ZW10: variants seen among roughly 807,000 people sequenced by gnomAD.
ZW10 encodes centromere/kinetochore protein zw10 homolog.
A neutral mutation model predicts 87.8 loss-of-function variants in ZW10; 53 were observed. The ratio of observed to expected loss-of-function variants is 0.60; its 90% CI spans 0.48 to 0.76. The LOEUF (loss-of-function observed/expected upper bound fraction) is 0.76, where lower values mean the gene tolerates loss of function less well. Among genes scored for constraint, ZW10 ranks in the 30% least tolerant of loss-of-function variants. ZW10 has a pLI of 0.00. For synonymous variants in ZW10, 312 were observed against 329.2 expected, an observed-to-expected ratio of 0.95 and a Z score of 0.57; for missense variants, 837 against 923.0, an observed-to-expected ratio of 0.91 and a Z score of 1.21.
chr11:113,747,715 T>G lies in ZW10; in HGVS notation c.1090-2A>C. On this transcript the variant is annotated splice_acceptor_variant, in intron 8 of 15. Transcript: ENST00000200135. LOFTEE classifies it high-confidence loss of function. ...AAATTCTTCAGTGGACTGTATGATC[T>G]GAGATACAAAAGAAAAAAAAGAAAA... 1 of 1,581,678 alleles carries G rather than the reference T, an allele frequency of 6.3e-7. No individual in the cohort carries two copies. The highest frequency in any genetic ancestry group is 1.8e-5 in the Admixed American group (1 of 54,250).
At chr11:113,733,890 G>A (rs1316938982) in intron 15 of ZW10, 76 bp from the exon 16 acceptor site, 1 of 1,473,544 alleles carries the variant, frequency 6.8e-7, no homozygotes. Context: ...TTGCCTGTTT[G>A]ATCCAAATGC....
chr11:113,755,520 A>T (rs1373880281), intron 7 of ZW10, among the ~76,000 whole-genome samples: 3 of 152,230 alleles, frequency 2.0e-5, no homozygotes, highest in Non-Finnish European at 4.4e-5. Flanking sequence ...TTCTTGAGAC[A>T]GAATCTACTG....
chr11:113,751,286 T>C lies in ZW10; in HGVS notation c.926-2866A>G, dbSNP rs534487178. 7 of 279,912 alleles carry C rather than the reference T, an allele frequency of 2.5e-5. No individual in the cohort carries two copies. In the East Asian group the frequency reaches 6.3e-4, roughly 25 times the overall value. 17.3% of individuals were successfully genotyped at this position (279,912 alleles called of 1,614,324 possible). A position where few individuals can be genotyped will look rare whatever the true frequency, so the allele number is the denominator to read the frequency against. Reference sequence around the variant, plus strand: ...CTCCAGTACAGCTGCTGGTGACCTATCTTGCTCTCAGAAGTGCGATGAAAT... The same window carrying C: ...CTCCAGTACAGCTGCTGGTGACCTACCTTGCTCTCAGAAGTGCGATGAAAT... On this transcript the variant is annotated intron_variant, in intron 7 of 15. Coordinates refer to ENST00000200135, the MANE Select transcript of ZW10 (RefSeq NM_004724.4).
At chr11:113,747,864 C>T (rs1323087338) in intron 8 of ZW10, 151 bp from the exon 9 acceptor site, 5 of 537,784 alleles carry the variant, frequency 9.3e-6, no homozygotes, top group African/African-American at 7.6e-5. Flanking sequence ...ATACATATTT[C>T]CAGCCTTAAA....
chr11:113,759,399 A>T (rs1455822354), intron 5 of ZW10, among the ~76,000 whole-genome samples: 3 of 152,198 alleles, frequency 2.0e-5, no homozygotes, highest in Non-Finnish European at 4.4e-5. Flanking sequence ...ACACATATGC[A>T]CATATGTGTC....
At chr11:113,760,995 A>G (rs1953854962) in intron 2 of ZW10, 77 bp from the exon 3 acceptor site, 3 of 1,051,958 alleles carry the variant, frequency 2.9e-6, no homozygotes, top group Non-Finnish European at 4.2e-6. Flanking sequence ...CAAATCAATA[A>G]GCTTTACTAG....
At chr11:113,742,505 CTGTT>C (rs1261269510) in intron 10 of ZW10, among the ~76,000 whole-genome samples, 1 of 152,084 alleles carries the variant, frequency 6.6e-6, no homozygotes, top group Non-Finnish European at 1.5e-5. Context: ...GCAGGAGCTG[CTGTT>C]TGAGTTTGAT....
chr11:113,751,249 T>C, intron 7 of ZW10: 1 of 299,024 alleles, frequency 3.3e-6, no homozygotes, highest in Non-Finnish European at 7.0e-6. Context: ...CTGGCTGAAT[T>C]TTCACCAGTG....
At chr11:113,740,208 C>G (rs1401685962) in intron 11 of ZW10, among the ~76,000 whole-genome samples, 1 of 152,052 alleles carries the variant, frequency 6.6e-6, no homozygotes, top group Non-Finnish European at 1.5e-5. Context: ...AAAAACACAC[C>G]TGGGCCTTAC....
At chr11:113,736,117 T>C (rs1953550814) in intron 15 of ZW10, among the ~76,000 whole-genome samples, 1 of 151,454 alleles carries the variant, frequency 6.6e-6, no homozygotes. Context: ...AATAATAAAA[T>C]AAAATAAATT....
intron 7 of ZW10, among the ~76,000 whole-genome samples, chr11:113,756,133 T>C (rs1565285341): frequency 6.6e-6 from 1 of 152,032 alleles, no homozygotes; most frequent in South Asian, 2.1e-4. Flanking sequence ...GTCATAAGGG[T>C]AGAGTCCTGA....
At chr11:113,751,926 T>C (rs922494778) in intron 7 of ZW10, among the ~76,000 whole-genome samples, 4 of 152,212 alleles carry the variant, frequency 2.6e-5, no homozygotes, top group Non-Finnish European at 4.4e-5. Context: ...CATCACGTGA[T>C]AGATACCTGC....
intron 15 of ZW10, among the ~76,000 whole-genome samples, chr11:113,736,151 T>C (rs968365485): frequency 6.6e-6 from 1 of 152,060 alleles, no homozygotes; most frequent in Admixed American, 6.5e-5. Context: ...GGTAGGCACC[T>C]GTAATCCCAG....
rs1040435023 is a variant in ZW10, at chr11:113,736,806, T to A, written c.2033A>T (p.Asp678Val). 1 of 1,614,094 alleles carries A rather than the reference T, an allele frequency of 6.2e-7. No homozygotes were observed. Among genetic ancestry groups the A allele is most frequent in the Non-Finnish European group, 8.5e-7 (1 of 1,180,006 alleles). The change falls in exon 15 of 16, where the codon GAT (aspartate) becomes GTT (valine). Residue 678 changes from aspartate (D) to valine (V), a missense_variant. Physicochemically the swap from Asp to Val is radical, Grantham distance 152. Coordinates refer to ENST00000200135, the MANE Select transcript of ZW10 (RefSeq NM_004724.4). Reference protein sequence around the residue: ...ITALEDISTEDGDRLYSLCKT... With the variant: ...ITALEDISTEVGDRLYSLCKT... ...GCATAAGGAATATAACCTATCACCA[T>A]CTTCAGTAGATATGTCCTGGTTTTG...
intron 2 of ZW10, among the ~76,000 whole-genome samples, chr11:113,762,796 G>A (rs1953875448): frequency 6.6e-6 from 1 of 152,218 alleles, no homozygotes; most frequent in South Asian, 2.1e-4. Context: ...GGGATTACAG[G>A]TGTAAGCCAC....
intron 7 of ZW10, among the ~76,000 whole-genome samples, chr11:113,756,353 G>C (rs1393131022): frequency 6.6e-6 from 1 of 152,136 alleles, no homozygotes; most frequent in East Asian, 1.9e-4. Flanking sequence ...TTATACTGGT[G>C]ATAAGATATA....
intron 7 of ZW10, among the ~76,000 whole-genome samples, chr11:113,751,984 T>C (rs146766374): frequency 3.3e-5 from 5 of 152,332 alleles, no homozygotes; most frequent in African/African-American, 9.6e-5. Context: ...TTAATGAACA[T>C]TGTTAAAAGC....
intron 11 of ZW10, 105 bp from the exon 12 acceptor site, chr11:113,739,487 G>T: frequency 1.9e-6 from 2 of 1,030,476 alleles, no homozygotes; most frequent in South Asian, 1.8e-5. Context: ...TTTAATAACT[G>T]TCTAGTTTCT....
At chr11:113,765,148 C>T (rs1318218331) in intron 2 of ZW10, among the ~76,000 whole-genome samples, 1 of 152,234 alleles carries the variant, frequency 6.6e-6, no homozygotes, top group Non-Finnish European at 1.5e-5. Flanking sequence ...CAGCCCAAAA[C>T]ATCAATAGTG....
Sources: gnomAD v4.1 joint callset for allele counts (sites outside exome capture counted in the v4.1 genomes callset) on GRCh38, gnomAD v4.1.1 for gene constraint, MANE v1.5 for transcripts, NCBI Gene and HGNC (gene_info 2026-07-23, HGNC 2026-07-21) for gene names.